TCF3: variants seen among roughly 807,000 people sequenced by gnomAD.
TCF3 encodes transcription factor 3, also known as transcription factor E2-alpha.
A neutral mutation model predicts 72.3 loss-of-function variants in TCF3; 54 were observed. The ratio of observed to expected loss-of-function variants is 0.75; its 90% CI spans 0.60 to 0.94. The LOEUF is 0.94. Ranked by LOEUF, TCF3 falls within the 40% of genes least tolerant of loss-of-function variation. The pLI, the probability that TCF3 is intolerant of heterozygous loss-of-function variation, is 0.00. For missense variants in TCF3, 1,078 were observed against 934.4 expected (o/e 1.15, Z -2.00); for synonymous variants, 525 against 412.6 (o/e 1.27, Z -3.30).
chr19:1,622,075 G>A lies in TCF3; in HGVS notation c.801C>T (p.Gly267=), dbSNP rs746899596. ...CTACCATACGCTCGTGCTGGTGCAG[G>A]CCACCAAACGTGCTGCTGCTTCCAC... ...GSSGSSSTFG[G]LHQHERMGYQ... Residue 267 remains glycine, a synonymous_variant, in exon 10 of 19, where the codon GGC becomes GGT. Coordinates refer to ENST00000262965, the MANE Select transcript of TCF3 (RefSeq NM_003200.5). 6 of 1,606,588 alleles carry A rather than the reference G, an allele frequency of 3.7e-6. No homozygotes were observed. Among genetic ancestry groups the A allele is most frequent in the Admixed American group, 1.7e-5 (1 of 59,430 alleles).
intron 7 of TCF3, among the ~76,000 whole-genome samples, chr19:1,625,025 T>G (rs867633105): frequency 8.5e-5 from 13 of 152,294 alleles, no homozygotes; most frequent in Middle Eastern, 3.4e-3. Flanking sequence ...TTTAAAATTT[T>G]TCGCAAAGAT....
intron 18 of TCF3, chr19:1,612,462 G>A: frequency 6.3e-7 from 1 of 1,576,890 alleles, no homozygotes; most frequent in Non-Finnish European, 8.7e-7. Context: ...GCCTCTGTTA[G>A]TGATGCGCCA....
chr19:1,621,576 T>C (rs2062221570), intron 11 of TCF3, among the ~76,000 whole-genome samples: 1 of 152,134 alleles, frequency 6.6e-6, no homozygotes, highest in African/African-American at 2.4e-5. Context: ...TCTCTGACCC[T>C]GGGTGGGTGA....
chr19:1,612,298 C>T lies in TCF3; in HGVS notation c.1823-449G>A, dbSNP rs2061086356. 1.2e-6 allele frequency: 2 copies of T among 1,613,724 alleles called. No individual in the cohort carries two copies. Among genetic ancestry groups the T allele is most frequent in the South Asian group, 2.2e-5 (2 of 91,082 alleles). ...GCGCTTTGTCCGACTTGAGGTGCAT[C>T]TGGCACATGCGCCCCAGCTCCCGGA... is the stretch of plus-strand genomic sequence containing the variant. On this transcript the variant is annotated intron_variant, in intron 18 of 18. Transcript: ENST00000262965.
In TCF3 at chr19:1,615,807, C is replaced by A. The variant is rs1426882122; in HGVS notation, c.1465G>T (p.Gly489Cys). ...PDSYSGLGRA[G>C]ATAAASEIKR... ...ATCTCGCTGGCGGCCGCCGTGGCAC[C>A]TGCTCGCCCTAGCCCTGCAACAGGC... Residue 489 changes from glycine (G) to cysteine (C), a missense_variant, in exon 17 of 19, where the codon GGT (glycine) becomes TGT (cysteine). Coordinates refer to ENST00000262965, the MANE Select transcript of TCF3 (RefSeq NM_003200.5). The surrounding 1 kb of genome is among the most constrained non-coding windows in gnomAD (Gnocchi z 7.3). 1.9e-6 allele frequency: 3 copies of A among 1,568,022 alleles called. No individual in the cohort carries two copies. Among genetic ancestry groups the A allele is most frequent in the Non-Finnish European group, 2.6e-6 (3 of 1,153,688 alleles).
At chr19:1,634,627 C>T (rs2064154942) in intron 3 of TCF3, among the ~76,000 whole-genome samples, 1 of 152,206 alleles carries the variant, frequency 6.6e-6, no homozygotes, top group Admixed American at 6.5e-5. Flanking sequence ...CAGTCCCGGT[C>T]CCTGTTGGGT....
At chr19:1,635,493 G>A (rs1217252379) in intron 3 of TCF3, among the ~76,000 whole-genome samples, 1 of 151,848 alleles carries the variant, frequency 6.6e-6, no homozygotes, top group Non-Finnish European at 1.5e-5. Context: ...CACAGGAGGT[G>A]ACCCCCACCC....
In TCF3 at chr19:1,638,901, C is replaced by T. The variant is rs545756847; in HGVS notation, c.146-6496G>A. Among the ~76,000 whole-genome samples the T allele has an allele frequency of 7.9e-5, 12 of 152,314 alleles. No homozygotes were observed. In the South Asian group the frequency reaches 2.3e-3, roughly 29 times the overall value. On this transcript the variant is annotated intron_variant, in intron 3 of 18. Transcript: ENST00000262965. ...AGAACGAAGATGGACGGGTGCTTAA[C>T]GTCTTTAATCTGAAAACACGGTGCC...
chr19:1,616,471 CTCAA>C (rs1324827119), intron 16 of TCF3: 3 of 148,456 alleles, frequency 2.0e-5, no homozygotes, highest in African/African-American at 7.5e-5. Context: ...AAGACTCCGT[CTCAA>C]AAAAAAAAAA....
Position 1,615,324 on chromosome 19 carries a change from C to T in TCF3, c.1783G>A (p.Ala595Thr), listed in dbSNP as rs1320733738. The change falls in exon 18 of 19, where the codon GCT (alanine) becomes ACT (threonine). Residue 595 changes from alanine to threonine, a missense_variant. Ala to Thr is a moderately conservative substitution (Grantham distance 58). Transcript: ENST00000262965. The surrounding 1 kb of genome is among the most constrained non-coding windows in gnomAD (Gnocchi z 7.3). ...PQTKLLILHQAVSVILNLEQQ... is the reference protein window; with the variant it reads ...PQTKLLILHQTVSVILNLEQQ... ...TCCAAGTTCAGGATGACCGAGACAGCCTGGTGCAGGATGAGCAGTTTGGTC... is the reference window on the plus strand; with the variant it reads ...TCCAAGTTCAGGATGACCGAGACAGTCTGGTGCAGGATGAGCAGTTTGGTC... The T allele has an allele frequency of 1.2e-6, 2 of 1,608,898 alleles. No homozygotes were observed. The highest frequency in any genetic ancestry group is 1.7e-6 in the Non-Finnish European group (2 of 1,175,968).
At chr19:1,630,865 G>T (rs1388144105) in intron 5 of TCF3, among the ~76,000 whole-genome samples, 1 of 152,240 alleles carries the variant, frequency 6.6e-6, no homozygotes, top group Middle Eastern at 3.4e-3. Flanking sequence ...TGACACTCCC[G>T]CAGGAGGCGG....
intron 16 of TCF3, among the ~76,000 whole-genome samples, chr19:1,617,533 G>C (rs1180032670): frequency 6.6e-6 from 1 of 152,240 alleles, no homozygotes; most frequent in Non-Finnish European, 1.5e-5. Flanking sequence ...GGGAGTCCAG[G>C]AATCAGTCAG....
At chr19:1,640,379 C>CA (rs1215826051) in intron 3 of TCF3, among the ~76,000 whole-genome samples, 2 of 151,682 alleles carry the variant, frequency 1.3e-5, no homozygotes, top group Non-Finnish European at 1.5e-5. Context: ...ACTAAAAATA[C>CA]AAAAAATTAG....
In TCF3 at chr19:1,635,384, T is replaced by C. The variant is rs1219675644; in HGVS notation, c.146-2979A>G. Among the ~76,000 whole-genome samples the C allele has an allele frequency of 2.0e-5, 3 of 152,116 alleles. No homozygotes were observed. The East Asian group carries it at 5.8e-4, about 29-fold the overall frequency. ...GGATGGAGCCTTTAGAAGCAAAACT[T>C]GGCTCTTCTCCCTCCCTCTACCCTC... On this transcript the variant is annotated intron_variant, in intron 3 of 18. Coordinates refer to ENST00000262965, the MANE Select transcript of TCF3 (RefSeq NM_003200.5).
At chr19:1,644,592 CTG>C (rs1320137473) in intron 3 of TCF3, among the ~76,000 whole-genome samples, 3 of 152,240 alleles carry the variant, frequency 2.0e-5, no homozygotes, top group African/African-American at 7.2e-5. Flanking sequence ...GGGCGAGACT[CTG>C]TGGGAACCAC....
chr19:1,615,954 C>A lies in TCF3; in HGVS notation c.1451-133G>T, dbSNP rs2061509084. 2.6e-6 allele frequency: 3 copies of A among 1,142,916 alleles called. No individual in the cohort carries two copies. Among genetic ancestry groups the A allele is most frequent in the South Asian group, 3.9e-5 (2 of 51,638 alleles). 70.8% of individuals were successfully genotyped at this position (1,142,916 alleles called of 1,614,324 possible). A position where few individuals can be genotyped will look rare whatever the true frequency, so the allele number is the denominator to read the frequency against. On this transcript the variant is annotated intron_variant, in intron 16 of 18. Transcript: ENST00000262965. This position sits in a 1 kb window ranked among gnomAD's most constrained non-coding sequence, Gnocchi z 7.3. The stretch of plus-strand genomic sequence containing the variant: ...CTTGGCCAAAAATAAAAACAAAAAA[C>A]CAACAACCAGAACTGGATCCCTACC...
chr19:1,632,661 C>G (rs1233640912), intron 3 of TCF3, among the ~76,000 whole-genome samples: 1 of 152,134 alleles, frequency 6.6e-6, no homozygotes, highest in East Asian at 1.9e-4. Context: ...CAACTCCTAC[C>G]CACCCACTAA....
chr19:1,640,025 G>C (rs1316101191), intron 3 of TCF3, among the ~76,000 whole-genome samples: 2 of 152,194 alleles, frequency 1.3e-5, no homozygotes. Context: ...CAACGAGAGA[G>C]AGAAAATGCA....
At chr19:1,637,352 A>C (rs1031813867) in intron 3 of TCF3, among the ~76,000 whole-genome samples, 3 of 152,244 alleles carry the variant, frequency 2.0e-5, no homozygotes, top group African/African-American at 7.2e-5. Flanking sequence ...AACCAGGGAC[A>C]ACCTTCTCCC....
Sources: allele counts gnomAD v4.1 joint callset (sites outside exome capture counted in the v4.1 genomes callset), GRCh38; gene constraint gnomAD v4.1.1; non-coding constraint Gnocchi (gnomAD v3.1); transcripts MANE v1.5; gene names NCBI Gene and HGNC (gene_info 2026-07-23, HGNC 2026-07-21).